Variants in TCF7L2 observed in about 807,000 individuals in gnomAD.
TCF7L2 encodes transcription factor 7 like 2.
Under a neutral mutation model 77.9 loss-of-function variants are expected in TCF7L2, and 23 were observed. The ratio of observed to expected loss-of-function variants is 0.30; its 90% CI spans 0.21 to 0.42. The LOEUF (loss-of-function observed/expected upper bound fraction) is 0.42, where lower values mean the gene tolerates loss of function less well. TCF7L2 is among the 10% of genes least tolerant of loss of function. The probability of loss-of-function intolerance (pLI) is 1.00; values close to 1 mark genes in which losing one functional copy is unlikely to be tolerated. For synonymous variants in TCF7L2, 413 were observed against 340.2 expected (o/e 1.21, Z -2.36); for missense variants, 654 against 793.1 (o/e 0.82, Z 2.11).
At position 113,022,793 on chromosome 10, in the gene TCF7L2, C is replaced by T. The variant is rs114212827; in HGVS notation, c.451-17232C>T. On this transcript the variant is annotated intron_variant, in intron 4 of 13. Transcript: ENST00000627217. The stretch of plus-strand genomic sequence containing the variant: ...TCTGAGAGATGGCTGTTTGTATTCC[C>T]ATTTTACAGATGAGGGAAGCTGTGC... 2.8e-3 allele frequency among the ~76,000 whole-genome samples: 425 copies of T among 151,350 alleles called. 1 individual carries two copies. The highest frequency in any genetic ancestry group is 9.7e-3 in the African/African-American group (400 of 41,400).
At chr10:113,024,174 T>C (rs1342833180) in intron 4 of TCF7L2, among the ~76,000 whole-genome samples, 3 of 152,026 alleles carry the variant, frequency 2.0e-5, no homozygotes, top group Admixed American at 1.3e-4. Flanking sequence ...GGGATGCATC[T>C]GTAGTCCCAG....
intron 4 of TCF7L2, among the ~76,000 whole-genome samples, chr10:112,994,723 A>G (rs900513115): frequency 1.4e-4 from 21 of 152,300 alleles, no homozygotes; most frequent in Admixed American, 1.3e-3. Context: ...TGGTTATAAA[A>G]AGTGGTTTGG....
chr10:113,091,248 A>G (rs957701200), intron 5 of TCF7L2, among the ~76,000 whole-genome samples: 3 of 152,212 alleles, frequency 2.0e-5, no homozygotes, highest in African/African-American at 7.2e-5. Context: ...CTAGTCATTC[A>G]TATGCACAGA....
At chr10:113,157,832 C>T in intron 11 of TCF7L2, 189 bp from the exon 12 acceptor site, 1 of 573,726 alleles carries the variant, frequency 1.7e-6, no homozygotes, top group Non-Finnish European at 3.1e-6. Context: ...GTGTGTCCCT[C>T]CAGCTGGGGT....
intron 5 of TCF7L2, among the ~76,000 whole-genome samples, chr10:113,093,835 T>A (rs1454544972): frequency 2.0e-5 from 3 of 152,238 alleles, no homozygotes; most frequent in Non-Finnish European, 4.4e-5. Context: ...AAGAGTTTTC[T>A]TTTTTCTTCT....
intron 5 of TCF7L2, among the ~76,000 whole-genome samples, chr10:113,130,741 T>C (rs1239682312): frequency 1.3e-5 from 2 of 150,058 alleles, no homozygotes; most frequent in Non-Finnish European, 3.0e-5. Context: ...TGTGGTGATA[T>C]CTTTTTAAAA....
intron 5 of TCF7L2, among the ~76,000 whole-genome samples, chr10:113,076,210 T>C (rs1034358543): frequency 6.6e-6 from 1 of 150,772 alleles, no homozygotes; most frequent in African/African-American, 2.4e-5. Flanking sequence ...TGATCATAGC[T>C]CACTGCAACC....
intron 13 of TCF7L2, chr10:113,161,723 C>T: frequency 9.2e-7 from 1 of 1,084,438 alleles, no homozygotes; most frequent in South Asian, 1.4e-5. Context: ...AGATGTGCAT[C>T]CCATTACGTG....
intron 4 of TCF7L2, among the ~76,000 whole-genome samples, chr10:113,033,196 C>CCTT (rs1022090535): frequency 1.3e-5 from 2 of 150,422 alleles, no homozygotes; most frequent in African/African-American, 4.9e-5. Context: ...TCCTCCTCCT[C>CCTT]CTTCCCTTCC....
In TCF7L2 at chr10:113,003,890, A is replaced by T. The variant is rs564032899; in HGVS notation, c.451-36135A>T. On this transcript the variant is annotated intron_variant, in intron 4 of 13. Coordinates refer to ENST00000627217, the MANE Select transcript of TCF7L2 (RefSeq NM_001146274.2). ...TGGAAGGAAGCTGGAAGCTGTGTAC[A>T]CACCCACGGGGAACAGGGACCATAG... is the stretch of plus-strand genomic sequence containing the variant. Among the ~76,000 whole-genome samples the T allele has an allele frequency of 3.3e-5, 5 of 152,306 alleles. 1 individual carries two copies. The South Asian group carries it at 1.0e-3, about 32-fold the overall frequency.
intron 4 of TCF7L2, among the ~76,000 whole-genome samples, chr10:113,010,444 G>A (rs2133585019): frequency 6.6e-6 from 1 of 152,274 alleles, no homozygotes; most frequent in Non-Finnish European, 1.5e-5. Flanking sequence ...ATCACCGTAT[G>A]AGGATAGTAA....
chr10:113,042,306 C>G (rs1300248120), intron 5 of TCF7L2, among the ~76,000 whole-genome samples: 1 of 152,114 alleles, frequency 6.6e-6, no homozygotes, highest in East Asian at 1.9e-4. Flanking sequence ...GGCATACACA[C>G]CCTCTTGTAG....
chr10:112,950,559 C>G lies in TCF7L2; in HGVS notation c.-198C>G, dbSNP rs1321770047. 2 of 490,588 alleles carry G rather than the reference C, an allele frequency of 4.1e-6. No individual in the cohort carries two copies. Among genetic ancestry groups the G allele is most frequent in the Admixed American group, 7.8e-5 (2 of 25,568 alleles). The allele number at this position is 490,588 out of a possible 1,614,324, so 30.4% of individuals were successfully genotyped here. A position where few individuals can be genotyped will look rare whatever the true frequency, so the allele number is the denominator to read the frequency against. On this transcript the variant is annotated 5_prime_UTR_variant, in exon 1 of 14. Transcript: ENST00000627217. ...CAAACTCACGCGTGCAGAAGATCTC[C>G]CCCCCCTTCCCCTCCCCTCCTCCCT...
At chr10:112,957,535 T>C (rs568264381) in intron 3 of TCF7L2, among the ~76,000 whole-genome samples, 3 of 152,220 alleles carry the variant, frequency 2.0e-5, no homozygotes, top group Admixed American at 1.3e-4. Flanking sequence ...GGAGACAGAA[T>C]AAATGCCTAA....
At chr10:113,122,248 CTA>C (rs2064927468) in intron 5 of TCF7L2, among the ~76,000 whole-genome samples, 1 of 152,168 alleles carries the variant, frequency 6.6e-6, no homozygotes, top group Admixed American at 6.5e-5. Context: ...CCAAACTTCT[CTA>C]TGAAACTGAG....
intron 5 of TCF7L2, among the ~76,000 whole-genome samples, chr10:113,113,947 CCATCATGATGGGTTTCGTTGGACTAT>C (rs1467168129): frequency 6.6e-6 from 1 of 152,166 alleles, no homozygotes; most frequent in African/African-American, 2.4e-5. Flanking sequence ...CCCAGGATGA[CCATCATGATGGGTTTCGTTGGACTAT>C]CAGTTGTTAC....
chr10:112,952,924 C>A (rs2032315597), intron 3 of TCF7L2, among the ~76,000 whole-genome samples: 1 of 151,380 alleles, frequency 6.6e-6, no homozygotes, highest in Non-Finnish European at 1.5e-5. Flanking sequence ...GGACGCAAGA[C>A]GCATTTGTGC....
chr10:112,986,132 G>A (rs143327554), intron 4 of TCF7L2, among the ~76,000 whole-genome samples: 3 of 151,998 alleles, frequency 2.0e-5, no homozygotes, highest in African/African-American at 7.3e-5. Flanking sequence ...TGGTTATGTG[G>A]GTACTCAGGC....
chr10:113,158,704 T>G, intron 12 of TCF7L2: 2 of 1,613,978 alleles, frequency 1.2e-6, no homozygotes, highest in South Asian at 1.1e-5. Flanking sequence ...GCCTTTCACT[T>G]CCTCCGATTA....
Sources: gnomAD v4.1 joint callset for allele counts (sites outside exome capture counted in the v4.1 genomes callset) on GRCh38, gnomAD v4.1.1 for gene constraint, MANE v1.5 for transcripts, NCBI Gene and HGNC (gene_info 2026-07-23, HGNC 2026-07-21) for gene names.